The following TOX2 variants were observed in gnomAD, a reference collection of about 807,000 sequenced individuals.
The protein encoded by TOX2 is granulosa cell HMG box 1.
In TOX2, 15 loss-of-function variants were observed where a neutral mutation model predicts 47.4. The ratio of observed to expected loss-of-function variants is 0.32; its 90% CI spans 0.21 to 0.49. The LOEUF (loss-of-function observed/expected upper bound fraction) is 0.49. TOX2 is among the 20% of genes least tolerant of loss of function. The pLI, the probability that TOX2 is intolerant of heterozygous loss-of-function variation, is 0.99. For synonymous variants in TOX2, 290 were observed against 296.6 expected (o/e 0.98, Z 0.23); for missense variants, 622 against 673.1 (o/e 0.92, Z 0.84).
chr20:43,929,638 T>C (rs2069226144), intron 1 of TOX2, among the ~76,000 whole-genome samples: 1 of 152,236 alleles, frequency 6.6e-6, no homozygotes, highest in Non-Finnish European at 1.5e-5. Context: ...GAGTCTGACC[T>C]GCTCATCTGT....
At chr20:44,013,613 C>T (rs6017243) in intron 3 of TOX2, among the ~76,000 whole-genome samples, 1 of 152,218 alleles carries the variant, frequency 6.6e-6, no homozygotes, top group African/African-American at 2.4e-5. Flanking sequence ...ACCCCAATAC[C>T]TAGTGGCTTA....
intron 2 of TOX2, among the ~76,000 whole-genome samples, chr20:43,986,791 C>G (rs887794058): frequency 6.6e-6 from 1 of 152,152 alleles, no homozygotes; most frequent in Admixed American, 6.5e-5. Context: ...TCAGGCCAGG[C>G]GTGGTGGCTC....
chr20:43,998,362 AC>A (rs1427052197), intron 2 of TOX2, among the ~76,000 whole-genome samples: 13 of 152,328 alleles, frequency 8.5e-5, no homozygotes, highest in Admixed American at 2.6e-4. Flanking sequence ...TCTAATTTCT[AC>A]CTTTTGAAGA....
chr20:44,068,035 G>A (rs1007304131), intron 8 of TOX2, among the ~76,000 whole-genome samples: 3 of 152,128 alleles, frequency 2.0e-5, no homozygotes, highest in South Asian at 2.1e-4. Flanking sequence ...TGACCAGCGC[G>A]CATGCCCCAT....
intron 3 of TOX2, among the ~76,000 whole-genome samples, chr20:44,024,008 T>G (rs1250432106): frequency 6.6e-6 from 1 of 152,216 alleles, no homozygotes; most frequent in African/African-American, 2.4e-5. Flanking sequence ...ATAAGATAGC[T>G]TTATCATACT....
chr20:44,038,108 G>A (rs1276375052), intron 3 of TOX2, among the ~76,000 whole-genome samples: 2 of 152,182 alleles, frequency 1.3e-5, no homozygotes, highest in African/African-American at 2.4e-5. Flanking sequence ...AGAAATTAAC[G>A]AGAAGTGCTG....
chr20:43,923,387 G>T (rs1416881712), intron 1 of TOX2, among the ~76,000 whole-genome samples: 2 of 152,184 alleles, frequency 1.3e-5, no homozygotes, highest in Non-Finnish European at 2.9e-5. Flanking sequence ...TAGATACTCT[G>T]CTTCTCAAAC....
At chr20:43,991,632 T>TATC (rs901286485) in intron 2 of TOX2, among the ~76,000 whole-genome samples, 4 of 96,906 alleles carry the variant, frequency 4.1e-5, no homozygotes, top group Non-Finnish European at 6.0e-5. Context: ...TTATTATTAT[T>TATC]ATTATTATTA....
Position 44,000,087 on chromosome 20 carries a change from G to A in TOX2, c.166-6460G>A, listed in dbSNP as rs182475448. Among the ~76,000 whole-genome samples, 611 of 152,326 alleles carry A rather than the reference G, an allele frequency of 4.0e-3. 2 individuals carry two copies. The highest frequency in any genetic ancestry group is 5.6e-3 in the Non-Finnish European group (378 of 68,014). On this transcript the variant is annotated intron_variant, in intron 2 of 8. Coordinates refer to ENST00000341197, the MANE Select transcript of TOX2 (RefSeq NM_001098797.2). ...GGAGTGGTATGAACAAGGGGAATAG[G>A]AGATGATGACGTCAGAGAGGTAAAA...
chr20:43,974,926 T>C (rs2070049830), intron 2 of TOX2, among the ~76,000 whole-genome samples: 1 of 152,230 alleles, frequency 6.6e-6, no homozygotes, highest in African/African-American at 2.4e-5. Context: ...CAAAGCTGCC[T>C]TTATATTGCA....
chr20:43,937,075 A>G (rs1400567149), intron 1 of TOX2, among the ~76,000 whole-genome samples: 1 of 152,298 alleles, frequency 6.6e-6, no homozygotes, highest in South Asian at 2.1e-4. Flanking sequence ...AGGTGTGATG[A>G]AGGAGAGCCA....
chr20:43,924,857 C>A (rs1218610993), intron 1 of TOX2, among the ~76,000 whole-genome samples: 1 of 152,362 alleles, frequency 6.6e-6, no homozygotes. Flanking sequence ...CCCTCTCACT[C>A]TCTGTCCCTC....
At position 44,051,286 on chromosome 20, in the gene TOX2, C is replaced by T. The variant is rs1246626660; in HGVS notation, c.412-20C>T. 1 of 1,588,622 alleles carries T rather than the reference C, an allele frequency of 6.3e-7. No homozygotes were observed. Among genetic ancestry groups the T allele is most frequent in the Admixed American group, 1.7e-5 (1 of 58,506 alleles). ...AGGACAGATCCTTCCTAACTCAACC[C>T]TCCTGTCCTCCTCTCTTAGATCCAG... is the stretch of plus-strand genomic sequence containing the variant. On this transcript the variant is annotated intron_variant, in intron 3 of 8. Transcript: ENST00000341197.
rs530085755 is a variant in TOX2, at chr20:44,034,445, G to A, written c.412-16861G>A. Among the ~76,000 whole-genome samples the A allele has an allele frequency of 4.9e-4, 74 of 152,226 alleles. 1 individual carries two copies. Among genetic ancestry groups the A allele is most frequent in the Non-Finnish European group, 9.6e-4 (65 of 68,036 alleles). On this transcript the variant is annotated intron_variant, in intron 3 of 8. Transcript: ENST00000341197. ...TCAGACATAAGAATCCTCAGGGAAT[G>A]TTTATGGAATGAATGAATGAATGGA...
intron 3 of TOX2, among the ~76,000 whole-genome samples, chr20:44,029,896 C>G (rs756167499): frequency 1.2e-4 from 19 of 152,306 alleles, no homozygotes; most frequent in South Asian, 6.2e-4. Context: ...TTCACGTTGC[C>G]AAACCCATTG....
intron 2 of TOX2, among the ~76,000 whole-genome samples, chr20:43,998,498 G>A (rs571878964): frequency 7.2e-5 from 11 of 152,206 alleles, no homozygotes; most frequent in African/African-American, 2.6e-4. Context: ...ATTTCTATCT[G>A]ACTGATTTGC....
chr20:43,927,618 T>TCCCC (rs2069187286), intron 1 of TOX2, among the ~76,000 whole-genome samples: 1 of 79,262 alleles, frequency 1.3e-5, no homozygotes, highest in African/African-American at 1.2e-4. Flanking sequence ...CCTTCCTTCC[T>TCCCC]TCCTTCCTCC....
intron 3 of TOX2, among the ~76,000 whole-genome samples, chr20:44,007,019 G>A (rs1273428680): frequency 6.6e-6 from 1 of 152,150 alleles, no homozygotes; most frequent in Admixed American, 6.5e-5. Context: ...TCAGCACACT[G>A]CTTCCTTCTG....
chr20:43,956,204 C>A (rs2069665806), intron 1 of TOX2, among the ~76,000 whole-genome samples: 1 of 152,148 alleles, frequency 6.6e-6, no homozygotes, highest in South Asian at 2.1e-4. Context: ...TACTTATCAC[C>A]CACCCATATT....
Sources: allele counts gnomAD v4.1 joint callset (sites outside exome capture counted in the v4.1 genomes callset), GRCh38; gene constraint gnomAD v4.1.1; transcripts MANE v1.5; gene names NCBI Gene and HGNC (gene_info 2026-07-23, HGNC 2026-07-21).